Variants in SS18 observed in about 807,000 individuals in gnomAD.
SS18 encodes protein SSXT.
SS18 carries 28 observed loss-of-function variants against 72.5 expected under a neutral mutation model. The observed-to-expected ratio is 0.39, with a 90% confidence interval of 0.29 to 0.53. The LOEUF (loss-of-function observed/expected upper bound fraction) is 0.53, where lower values mean the gene tolerates loss of function less well. Among genes scored for constraint, SS18 ranks in the 20% least tolerant of loss-of-function variants. SS18 has a pLI of 0.76. For synonymous variants in SS18, 172 were observed against 164.2 expected, an observed-to-expected ratio of 1.05 and a Z score of -0.37; for missense variants, 518 against 535.3, an observed-to-expected ratio of 0.97 and a Z score of 0.32.
At chr18:26,078,235 A>C in intron 2 of SS18, 75 bp from the exon 3 acceptor site, 1 of 1,023,690 alleles carries the variant, frequency 9.8e-7, no homozygotes, top group Non-Finnish European at 1.4e-6. Flanking sequence ...CAGCACTATA[A>C]TCATTTCTAA....
chr18:26,054,082 T>TA (rs2053969538), intron 4 of SS18, among the ~76,000 whole-genome samples: 1 of 152,184 alleles, frequency 6.6e-6, no homozygotes, highest in Admixed American at 6.5e-5. Flanking sequence ...TCATATACTT[T>TA]AAATCATCTC....
At chr18:26,078,357 T>G (rs2054454825) in intron 2 of SS18, 197 bp from the exon 3 acceptor site, 1 of 470,120 alleles carries the variant, frequency 2.1e-6, no homozygotes, top group African/African-American at 2.0e-5. Flanking sequence ...GATCTTGCCA[T>G]GTATGCTAAA....
At chr18:26,024,863 T>C (rs1375480706) in intron 10 of SS18, among the ~76,000 whole-genome samples, 9 of 152,132 alleles carry the variant, frequency 5.9e-5, no homozygotes, top group African/African-American at 1.4e-4. Context: ...AAGGCAGCAA[T>C]TGGCAGGCTG....
intron 3 of SS18, among the ~76,000 whole-genome samples, chr18:26,060,870 C>T (rs369493853): frequency 1.4e-5 from 2 of 141,348 alleles, no homozygotes; most frequent in Non-Finnish European, 1.5e-5. Flanking sequence ...AAACGAGAAT[C>T]GCTTGCACCT....
chr18:26,084,294 C>T (rs1289264137), intron 2 of SS18: 1 of 152,048 alleles, frequency 6.6e-6, no homozygotes, highest in African/African-American at 2.4e-5. Flanking sequence ...AGGAAAAGAA[C>T]AAATTTCTTC....
intron 4 of SS18, among the ~76,000 whole-genome samples, chr18:26,054,742 TC>T (rs2053986163): frequency 2.1e-5 from 3 of 144,324 alleles, no homozygotes; most frequent in African/African-American, 5.6e-5. Flanking sequence ...AATCTCTCTC[TC>T]TTTTTTTTTT....
At position 26,016,864 on chromosome 18, in the gene SS18, T is replaced by C. The variant is rs1359229045; in HGVS notation, c.*1490A>G. The stretch of plus-strand genomic sequence containing the variant: ...TTTGATTACAGTATGTTGAGAACAG[T>C]ATGTTCTGCTTATTCAAATTTATGA... On this transcript the variant is annotated 3_prime_UTR_variant, in exon 11 of 11. Coordinates refer to ENST00000415083, the MANE Select transcript of SS18 (RefSeq NM_001007559.3). The C allele has an allele frequency of 8.7e-6, 2 of 230,612 alleles. No homozygotes were observed. Among genetic ancestry groups the C allele is most frequent in the Non-Finnish European group, 8.6e-6 (1 of 116,248 alleles). 14.3% of individuals were successfully genotyped at this position (230,612 alleles called of 1,614,324 possible).
In SS18 at chr18:26,077,142, G is replaced by A. The variant is rs1598606589; in HGVS notation, c.231+934C>T. On this transcript the variant is annotated intron_variant, in intron 3 of 10. Coordinates refer to ENST00000415083, the MANE Select transcript of SS18 (RefSeq NM_001007559.3). The stretch of plus-strand genomic sequence containing the variant: ...TCAATGACCATTAAAACCATTAAGT[G>A]ATAGGTAGACAGGGAACTTTATAAT... 2.0e-5 allele frequency among the ~76,000 whole-genome samples: 3 copies of A among 152,158 alleles called. No homozygotes were observed. In the East Asian group the frequency reaches 5.8e-4, roughly 29 times the overall value.
intron 5 of SS18, among the ~76,000 whole-genome samples, chr18:26,042,352 G>C (rs73401885): frequency 0.016 from 2,446 of 152,168 alleles, 51 homozygotes; most frequent in African/African-American, 0.055. Flanking sequence ...TTGATGTTAA[G>C]ACGCACTACA....
intron 5 of SS18, among the ~76,000 whole-genome samples, chr18:26,039,785 A>G (rs1336087145): frequency 6.6e-6 from 1 of 152,200 alleles, no homozygotes; most frequent in Non-Finnish European, 1.5e-5. Context: ...ATTTATCTAT[A>G]CCATCTTTCT....
chr18:26,049,463 A>G (rs2053884522), intron 5 of SS18, among the ~76,000 whole-genome samples: 1 of 152,226 alleles, frequency 6.6e-6, no homozygotes, highest in Non-Finnish European at 1.5e-5. Context: ...TATGCTCTAT[A>G]TGCAAATAAG....
At chr18:26,029,910 C>T (rs372290151) in intron 10 of SS18, among the ~76,000 whole-genome samples, 1 of 152,076 alleles carries the variant, frequency 6.6e-6, no homozygotes. Context: ...ACTAAAATAG[C>T]TAAAATGGTC....
intron 10 of SS18, 39 bp downstream of exon 10, chr18:26,032,360 A>G (rs527332079): frequency 5.6e-6 from 9 of 1,604,508 alleles, no homozygotes; most frequent in South Asian, 5.6e-5. Context: ...GAGAGTGAAG[A>G]AACAATGTGG....
chr18:26,022,404 T>C (rs2053367899), intron 10 of SS18, among the ~76,000 whole-genome samples: 1 of 151,826 alleles, frequency 6.6e-6, no homozygotes, highest in Non-Finnish European at 1.5e-5. Context: ...CATGTTTCTA[T>C]TCAAGATGGA....
chr18:26,064,254 T>C (rs1598588478), intron 3 of SS18, among the ~76,000 whole-genome samples: 1 of 152,120 alleles, frequency 6.6e-6, no homozygotes, highest in East Asian at 1.9e-4. Context: ...CACCAATTTT[T>C]TGTTCCAGAA....
chr18:26,066,776 T>C (rs2054227485), intron 3 of SS18, among the ~76,000 whole-genome samples: 1 of 152,156 alleles, frequency 6.6e-6, no homozygotes, highest in Admixed American at 6.6e-5. Flanking sequence ...GCAATGATGT[T>C]GGTAAAATGC....
At chr18:26,051,026 C>A (rs1361190168) in intron 5 of SS18, among the ~76,000 whole-genome samples, 1 of 152,104 alleles carries the variant, frequency 6.6e-6, no homozygotes, top group African/African-American at 2.4e-5. Flanking sequence ...TTCTGTACAG[C>A]CTATTTTCTA....
intron 5 of SS18, among the ~76,000 whole-genome samples, chr18:26,046,520 A>T (rs903685000): frequency 3.9e-5 from 6 of 152,166 alleles, no homozygotes; most frequent in African/African-American, 1.2e-4. Flanking sequence ...CATCACAACT[A>T]CTTCTCTCAT....
intron 3 of SS18, among the ~76,000 whole-genome samples, chr18:26,063,502 G>A (rs1305124971): frequency 1.3e-5 from 2 of 152,104 alleles, no homozygotes; most frequent in East Asian, 1.9e-4. Context: ...GGGCGACAGA[G>A]CGAGACTCCA....
Sources: gnomAD v4.1 joint callset for allele counts (sites outside exome capture counted in the v4.1 genomes callset) on GRCh38, gnomAD v4.1.1 for gene constraint, MANE v1.5 for transcripts, NCBI Gene and HGNC (gene_info 2026-07-23, HGNC 2026-07-21) for gene names.